Variants in DNAH14 observed in about 807,000 individuals in gnomAD.
DNAH14 encodes axonemal beta dynein heavy chain 14.
Under a neutral mutation model 520.9 loss-of-function variants are expected in DNAH14, and 478 were observed. The ratio of observed to expected loss-of-function variants is 0.92; its 90% confidence interval spans 0.85 to 0.99. The LOEUF is 0.99. Among genes scored for constraint, DNAH14 ranks in the 50% least tolerant of loss-of-function variants. DNAH14 has a pLI of 0.00. For missense variants in DNAH14, 4,831 were observed against 5,234.5 expected (o/e 0.92, Z 2.38); for synonymous variants, 1,581 against 1,757.2 (o/e 0.90, Z 2.51).
At chr1:225,150,531 C>A (rs2080399802) in intron 31 of DNAH14, among the ~76,000 whole-genome samples, 1 of 152,058 alleles carries the variant, frequency 6.6e-6, no homozygotes, top group Non-Finnish European at 1.5e-5. Context: ...CGATCCTGGG[C>A]CTTTTTTGGT....
Position 225,032,747 on chromosome 1 carries a change from T to A in DNAH14, c.1359-5947T>A, listed in dbSNP as rs114841342. Among the ~76,000 whole-genome samples the A allele has an allele frequency of 7.6e-3, 1,163 of 152,296 alleles. 18 individuals are homozygous for A. The highest frequency in any genetic ancestry group is 0.027 in the African/African-American group (1,103 of 41,582). On this transcript the variant is annotated intron_variant, in intron 11 of 85. Transcript: ENST00000682510. The stretch of plus-strand genomic sequence containing the variant: ...TCCGCAACCTCACCAGCATCCGTTA[T>A]TTTTTAACTTTTTAATAATAACCAT...
intron 43 of DNAH14, 51 bp downstream of exon 43, chr1:225,240,873 T>G: frequency 7.9e-7 from 1 of 1,261,812 alleles, no homozygotes; most frequent in Non-Finnish European, 1.1e-6. Flanking sequence ...AATATTAATT[T>G]AAAGCAATGC....
At chr1:225,110,083 G>C (rs1046929104) in intron 23 of DNAH14, among the ~76,000 whole-genome samples, 2 of 152,048 alleles carry the variant, frequency 1.3e-5, no homozygotes, top group African/African-American at 2.4e-5. Flanking sequence ...ACTTTGGTTT[G>C]CATGCATTTT....
intron 14 of DNAH14, 27 bp from the exon 15 acceptor site, chr1:225,043,859 A>G: frequency 6.7e-7 from 1 of 1,485,608 alleles, no homozygotes; most frequent in Non-Finnish European, 9.2e-7. Context: ...TTCCTCTGAA[A>G]TATGCTTTTA....
intron 43 of DNAH14, among the ~76,000 whole-genome samples, chr1:225,245,210 G>A (rs2092213165): frequency 6.6e-6 from 1 of 152,162 alleles, no homozygotes; most frequent in African/African-American, 2.4e-5. Context: ...TGGTCTGAGA[G>A]ACTGTTATGA....
At chr1:225,219,772 C>A (rs191058966) in intron 41 of DNAH14, among the ~76,000 whole-genome samples, 3 of 152,222 alleles carry the variant, frequency 2.0e-5, no homozygotes, top group Non-Finnish European at 4.4e-5. Flanking sequence ...TTATTCCAAA[C>A]AATAGAAAAT....
At chr1:225,166,992 T>C (rs1001785992) in intron 35 of DNAH14, among the ~76,000 whole-genome samples, 1 of 152,212 alleles carries the variant, frequency 6.6e-6, no homozygotes, top group Non-Finnish European at 1.5e-5. Flanking sequence ...GCTATTCTTA[T>C]TCTATACCTA....
Position 225,301,031 on chromosome 1 carries a change from G to T in DNAH14, c.8631+1G>T. ...ATCTTTACTTTCATTCTTTCAAAAG[G>T]TACTTTTTTGTGACTTGGCTTTATC... On this transcript the variant is annotated splice_donor_variant, in intron 56 of 85. Transcript: ENST00000682510. LOFTEE classifies it high-confidence loss of function. 1.3e-6 allele frequency: 2 copies of T among 1,546,330 alleles called. No homozygotes were observed. The highest frequency in any genetic ancestry group is 1.2e-5 in the South Asian group (1 of 82,724).
chr1:224,998,382 C>T (rs1572352192), intron 8 of DNAH14, among the ~76,000 whole-genome samples: 1 of 152,168 alleles, frequency 6.6e-6, no homozygotes, highest in East Asian at 1.9e-4. Context: ...ATTGATTTCG[C>T]AATGCCTCTT....
chr1:224,976,322 G>T (rs1297705853), intron 8 of DNAH14, among the ~76,000 whole-genome samples: 1 of 152,052 alleles, frequency 6.6e-6, no homozygotes, highest in African/African-American at 2.4e-5. Flanking sequence ...TGTTGACAGT[G>T]GGGTGTTAAA....
At chr1:225,332,324 T>C (rs2094815592) in intron 65 of DNAH14, among the ~76,000 whole-genome samples, 1 of 152,206 alleles carries the variant, frequency 6.6e-6, no homozygotes, top group Non-Finnish European at 1.5e-5. Context: ...CAAAAGCAGA[T>C]GGATGTCCCT....
rs574574321 is a variant in DNAH14 at position 225,264,205 on chromosome 1, A to G, written c.7166A>G (p.Lys2389Arg). 24 of 1,549,942 alleles carry G rather than the reference A, an allele frequency of 1.5e-5. No homozygotes were observed. In the Admixed American group the frequency reaches 3.7e-4, roughly 24 times the overall value. ...YSEIKKSSSL[K>R]QNITILIPET... ...AAAATATTTCATTCCAGTAGCCTAA[A>G]ACAGAATATCACCATCTTGATTCCT... Residue 2389 changes from lysine to arginine, a missense_variant, in exon 47 of 86, where the codon AAA becomes AGA. Lys to Arg is a conservative substitution (Grantham distance 26, BLOSUM62 2). Transcript: ENST00000682510.
At chr1:225,103,494 T>G (rs375953231) in intron 23 of DNAH14, among the ~76,000 whole-genome samples, 1,672 of 152,304 alleles carry the variant, frequency 0.011, 16 homozygotes, top group Non-Finnish European at 0.016. Context: ...ATGGCCATTT[T>G]CACGATATTG....
rs36110645 is a variant in DNAH14 at position 225,332,830 on chromosome 1, C to CAA, written c.9865-442_9865-441dup. ...GCAATGTAGCAAGATCCTGTCTCTA[C>CAA]AAAAAAAAAAAAAAAAAAAATTAGC... On this transcript the variant is annotated intron_variant, in intron 65 of 85. Coordinates refer to ENST00000682510, the MANE Select transcript of DNAH14 (RefSeq NM_001367479.1). Among the ~76,000 whole-genome samples, 628 of 90,806 alleles carry CAA rather than the reference C, an allele frequency of 6.9e-3. 17 individuals carry two copies. The East Asian group carries it at 0.092, about 13-fold the overall frequency. 59.6% of individuals were successfully genotyped at this position (90,806 alleles called of 152,430 possible).
rs1178122544 is a variant in DNAH14, at chr1:225,153,798, G to T, written c.5245G>T (p.Ala1749Ser). The T allele has an allele frequency of 6.5e-7, 1 of 1,549,688 alleles. No homozygotes were observed. Among genetic ancestry groups the T allele is most frequent in the Non-Finnish European group, 8.7e-7 (1 of 1,145,834 alleles). ...LRSLKIVLIM[A>S]GTKKREFKCD... is the part of the protein sequence containing the mutation. The stretch of plus-strand genomic sequence containing the variant: ...ATCTCTGAAGATAGTTTTAATAATG[G>T]CTGGAACGAAGAAACGGGAGTTTAA... Residue 1749 changes from alanine to serine, a missense_variant, in exon 34 of 86, where the codon GCT becomes TCT. Ala to Ser is a moderately conservative substitution (Grantham distance 99, BLOSUM62 1). Transcript: ENST00000682510.
intron 9 of DNAH14, among the ~76,000 whole-genome samples, chr1:225,004,961 T>C (rs955724955): frequency 6.6e-6 from 1 of 152,184 alleles, no homozygotes; most frequent in Non-Finnish European, 1.5e-5. Flanking sequence ...AACTGGAAGG[T>C]AAAGAACATA....
At position 225,266,741 on chromosome 1, in the gene DNAH14, T is replaced by A. The variant is rs2093133232; in HGVS notation, c.7511T>A (p.Val2504Asp). The A allele has an allele frequency of 6.6e-7, 1 of 1,520,664 alleles. No individual in the cohort carries two copies. The highest frequency in any genetic ancestry group is 8.8e-7 in the Non-Finnish European group (1 of 1,138,432). 94.2% of individuals were successfully genotyped at this position (1,520,664 alleles called of 1,614,324 possible). A position where few individuals can be genotyped will look rare whatever the true frequency, so the allele number is the denominator to read the frequency against. The change falls in exon 49 of 86, where the codon GTT becomes GAT. Residue 2504 changes from valine to aspartate, a missense_variant. Val to Asp is a radical substitution (Grantham distance 152, BLOSUM62 -3). Coordinates refer to ENST00000682510, the MANE Select transcript of DNAH14 (RefSeq NM_001367479.1). ...AGACAATTGTTAGATTTGGGAGGAG[T>A]TTATGATACTGAAAAAAATACATGG... The part of the protein sequence containing the change: ...LIRQLLDLGG[V>D]YDTEKNTWKN...
rs1197927461 is a variant in DNAH14, at chr1:224,991,084, CTTTTTTTTTT to C, written c.831-11680_831-11671del. ...TTCCCTAATGATTAGTGATGTTGAG[CTTTTTTTTTT>C]TTTTTTTTTTTTTTTTTTGAGACGG... On this transcript the variant is annotated intron_variant, in intron 8 of 85. Coordinates refer to ENST00000682510, the MANE Select transcript of DNAH14 (RefSeq NM_001367479.1). Among the ~76,000 whole-genome samples the C allele has an allele frequency of 9.5e-4, 74 of 77,904 alleles. 3 individuals carry two copies. The highest frequency in any genetic ancestry group is 2.9e-3 in the African/African-American group (68 of 23,414). 51.1% of individuals were successfully genotyped at this position (77,904 alleles called of 152,430 possible). A position where few individuals can be genotyped will look rare whatever the true frequency, so the allele number is the denominator to read the frequency against.
intron 36 of DNAH14, among the ~76,000 whole-genome samples, chr1:225,179,993 AC>A (rs2083781414): frequency 6.6e-6 from 1 of 152,026 alleles, no homozygotes; most frequent in East Asian, 1.9e-4. Context: ...ATGTATCAGA[AC>A]CCCTTTAAGT....
Sources: gnomAD v4.1 joint callset for allele counts (sites outside exome capture counted in the v4.1 genomes callset) on GRCh38, gnomAD v4.1.1 for gene constraint, MANE v1.5 for transcripts, NCBI Gene and HGNC (gene_info 2026-07-23, HGNC 2026-07-21) for gene names.